The following CMIP variants were observed in gnomAD, a reference collection of about 807,000 sequenced individuals.
CMIP encodes C-Maf-inducing protein.
CMIP carries 13 observed loss-of-function variants against 97.3 expected under a neutral mutation model. The observed-to-expected ratio is 0.13, with a 90% CI of 0.09 to 0.21. The LOEUF (loss-of-function observed/expected upper bound fraction) is 0.21, where lower values mean the gene tolerates loss of function less well. CMIP is among the 10% of genes least tolerant of loss of function. The probability of loss-of-function intolerance (pLI) is 1.00; values close to 1 mark genes in which losing one functional copy is unlikely to be tolerated. For missense variants in CMIP, 847 were observed against 1,024.9 expected (o/e 0.83, Z 2.37); for synonymous variants, 538 against 436.3 (o/e 1.23, Z -2.91).
chr16:81,634,687 C>T (rs1411349011), intron 3 of CMIP, among the ~76,000 whole-genome samples: 1 of 152,182 alleles, frequency 6.6e-6, no homozygotes, highest in Non-Finnish European at 1.5e-5. Context: ...TTGAAACTCA[C>T]ATTAGAGACT....
chr16:81,557,137 C>G (rs547325161), intron 1 of CMIP, among the ~76,000 whole-genome samples: 1 of 152,344 alleles, frequency 6.6e-6, no homozygotes, highest in East Asian at 1.9e-4. Flanking sequence ...TACCAGAATC[C>G]TCTCTACTGT....
chr16:81,529,684 G>T (rs572965280), intron 1 of CMIP, among the ~76,000 whole-genome samples: 1 of 152,184 alleles, frequency 6.6e-6, no homozygotes, highest in Non-Finnish European at 1.5e-5. Flanking sequence ...AGGGAGGTGG[G>T]AGAGTCTGAG....
intron 1 of CMIP, among the ~76,000 whole-genome samples, chr16:81,543,954 T>G (rs903697922): frequency 6.6e-6 from 1 of 152,252 alleles, no homozygotes; most frequent in African/African-American, 2.4e-5. Context: ...TTTATCTTAC[T>G]TGGGAGAACA....
At chr16:81,559,450 C>T (rs929141278) in intron 1 of CMIP, among the ~76,000 whole-genome samples, 3 of 152,196 alleles carry the variant, frequency 2.0e-5, no homozygotes, top group Non-Finnish European at 2.9e-5. Flanking sequence ...TTTTCATATT[C>T]CTAAGTTCAG....
At chr16:81,501,968 A>G (rs1020990530) in intron 1 of CMIP, among the ~76,000 whole-genome samples, 8 of 152,178 alleles carry the variant, frequency 5.3e-5, no homozygotes, top group African/African-American at 1.7e-4. Context: ...AATGGCAACA[A>G]TCCTGGGGAT....
At position 81,607,709 on chromosome 16, in the gene CMIP, T is replaced by C. The variant is rs1303211647; in HGVS notation, c.426+17T>C. On this transcript the variant is annotated intron_variant, in intron 2 of 20. Coordinates refer to ENST00000537098, the MANE Select transcript of CMIP (RefSeq NM_198390.3). ...TTACTGCAGGTAGGAGAAATAAACA[T>C]GAACAAGCAGTTTCTTCTCCCTCAT... 1.5e-5 allele frequency: 24 copies of C among 1,611,210 alleles called. No individual in the cohort carries two copies. Among genetic ancestry groups the C allele is most frequent in the Non-Finnish European group, 2.0e-5 (23 of 1,177,714 alleles).
At chr16:81,452,885 G>GTTTTTTTTTTTTTTTTTTTTTT (rs558606255) in intron 1 of CMIP, among the ~76,000 whole-genome samples, 17 of 129,226 alleles carry the variant, frequency 1.3e-4, no homozygotes, top group African/African-American at 2.3e-4. Flanking sequence ...TTTTTGTTTT[G>GTTTTTTTTTTTTTTTTTTTTTT]TTTTTTTTTT....
chr16:81,599,416 G>A (rs768814140), intron 1 of CMIP, among the ~76,000 whole-genome samples: 2 of 152,124 alleles, frequency 1.3e-5, no homozygotes, highest in East Asian at 1.9e-4. Context: ...ATATTTTGAC[G>A]GGCCTTCCCC....
At chr16:81,703,853 G>A (rs1907711141) in intron 17 of CMIP, 86 bp from the exon 18 acceptor site, 1 of 1,486,518 alleles carries the variant, frequency 6.7e-7, no homozygotes, top group Non-Finnish European at 8.9e-7. Context: ...AGGGCGAGGG[G>A]AGAGGAGGAG....
chr16:81,678,637 C>G lies in CMIP; in HGVS notation c.1388+9C>G, dbSNP rs543377252. ...GAAATCCTCAAGCTGCTGTGAGTGCCCCCCCCGCGTGCCCGCCCCCGGGGC... is the reference window on the plus strand; with the variant it reads ...GAAATCCTCAAGCTGCTGTGAGTGCGCCCCCCGCGTGCCCGCCCCCGGGGC... On this transcript the variant is annotated intron_variant, in intron 10 of 20. Transcript: ENST00000537098. 4.2e-6 allele frequency: 6 copies of G among 1,416,890 alleles called. No homozygotes were observed. The highest frequency in any genetic ancestry group is 2.3e-5 in the East Asian group (1 of 43,378). The allele number at this position is 1,416,890 out of a possible 1,614,324, so 87.8% of individuals were successfully genotyped here. A position where few individuals can be genotyped will look rare whatever the true frequency, so the allele number is the denominator to read the frequency against.
In CMIP at chr16:81,627,993, G is replaced by A. The variant is rs1244591755; in HGVS notation, c.477+7067G>A. Among the ~76,000 whole-genome samples the A allele has an allele frequency of 6.6e-6, 1 of 152,134 alleles. No homozygotes were observed. The highest frequency in any genetic ancestry group is 1.5e-5 in the Non-Finnish European group (1 of 68,004). Reference sequence around the variant, plus strand: ...ACTGGCTGCACCCTCAGGAGGGCGGGATCCATCACCCTCATCCCCATGCAG... The same window carrying A: ...ACTGGCTGCACCCTCAGGAGGGCGGAATCCATCACCCTCATCCCCATGCAG... On this transcript the variant is annotated intron_variant, in intron 3 of 20. Transcript: ENST00000537098. This position sits in a 1 kb window ranked among gnomAD's most constrained non-coding sequence, Gnocchi z 4.6.
chr16:81,522,877 C>G (rs1031233229), intron 1 of CMIP, among the ~76,000 whole-genome samples: 2 of 151,882 alleles, frequency 1.3e-5, no homozygotes, highest in African/African-American at 4.8e-5. Flanking sequence ...AATATTTTTA[C>G]ACACACACAC....
At chr16:81,679,862 T>C (rs1191785068) in intron 10 of CMIP, among the ~76,000 whole-genome samples, 1 of 152,124 alleles carries the variant, frequency 6.6e-6, no homozygotes, top group Non-Finnish European at 1.5e-5. Flanking sequence ...GTTTGAGGGA[T>C]CTCATTGACT....
At chr16:81,458,498 C>T (rs1275726731) in intron 1 of CMIP, among the ~76,000 whole-genome samples, 1 of 152,174 alleles carries the variant, frequency 6.6e-6, no homozygotes, top group Non-Finnish European at 1.5e-5. Flanking sequence ...TCCCACTGGC[C>T]TCCACTGGGT....
At chr16:81,537,546 C>CAAAAAAAAAAGA (rs2090366892) in intron 1 of CMIP, among the ~76,000 whole-genome samples, 1 of 82,086 alleles carries the variant, frequency 1.2e-5, no homozygotes, top group Non-Finnish European at 2.3e-5. Context: ...AAAAAAAAGA[C>CAAAAAAAAAAGA]AAAAAAAAAA....
intron 1 of CMIP, among the ~76,000 whole-genome samples, chr16:81,535,060 C>G (rs1320779674): frequency 6.6e-6 from 1 of 152,148 alleles, no homozygotes; most frequent in Non-Finnish European, 1.5e-5. Flanking sequence ...ATGCCATTCT[C>G]CTGCCTCAGC....
chr16:81,548,643 C>T (rs192728911), intron 1 of CMIP, among the ~76,000 whole-genome samples: 2 of 151,178 alleles, frequency 1.3e-5, no homozygotes, highest in Admixed American at 6.6e-5. Flanking sequence ...GAGTTGGAGA[C>T]CAGCCTCAGC....
intron 7 of CMIP, among the ~76,000 whole-genome samples, chr16:81,667,857 T>C (rs1441802928): frequency 6.9e-6 from 1 of 144,988 alleles, no homozygotes; most frequent in East Asian, 2.2e-4. Context: ...CTCATGCCAG[T>C]GCGTGCATTT....
At chr16:81,605,431 G>A (rs909442227) in intron 1 of CMIP, among the ~76,000 whole-genome samples, 6 of 152,192 alleles carry the variant, frequency 3.9e-5, no homozygotes, top group African/African-American at 1.2e-4. Context: ...CCTGCAGGCT[G>A]TCCCCCTGCC....
Sources: allele counts gnomAD v4.1 joint callset (sites outside exome capture counted in the v4.1 genomes callset), GRCh38; gene constraint gnomAD v4.1.1; non-coding constraint Gnocchi (gnomAD v3.1); transcripts MANE v1.5; gene names NCBI Gene and HGNC (gene_info 2026-07-23, HGNC 2026-07-21).